The following IQCE variants were observed in gnomAD, a reference collection of about 807,000 sequenced individuals.
The protein encoded by IQCE is IQ motif containing E, also known as IQ domain-containing protein E.
Under a neutral mutation model 96.0 loss-of-function variants are expected in IQCE, and 115 were observed. The observed-to-expected ratio is 1.20, with a 90% CI of 1.03 to 1.40. The LOEUF is 1.40. Ranked by LOEUF, IQCE falls within the 40% of genes most tolerant of loss-of-function variation. IQCE has a pLI of 0.00. For synonymous variants in IQCE, 412 were observed against 371.2 expected, an observed-to-expected ratio of 1.11 and a Z score of -1.26; for missense variants, 1,041 against 909.1, an observed-to-expected ratio of 1.15 and a Z score of -1.87.
chr7:2,571,136 G>A (rs1459659365), intron 3 of IQCE, among the ~76,000 whole-genome samples: 1 of 152,038 alleles, frequency 6.6e-6, no homozygotes, highest in African/African-American at 2.4e-5. Context: ...TCCTGCCTCA[G>A]CCCCCTTGAG....
intron 19 of IQCE, among the ~76,000 whole-genome samples, chr7:2,605,641 T>G (rs1006710188): frequency 7.2e-6 from 1 of 138,366 alleles, no homozygotes; most frequent in Non-Finnish European, 1.5e-5. Flanking sequence ...AATAAGTAAA[T>G]AAATAAATAA....
intron 1 of IQCE, among the ~76,000 whole-genome samples, chr7:2,562,873 A>G (rs1255073535): frequency 6.7e-6 from 1 of 149,126 alleles, no homozygotes; most frequent in East Asian, 1.9e-4. Flanking sequence ...TTTTTAATAT[A>G]GGCATTTACA....
Position 2,589,951 on chromosome 7 carries a change from A to G in IQCE, c.1089A>G (p.Pro363=). 1.2e-6 allele frequency: 2 copies of G among 1,613,980 alleles called. No individual in the cohort carries two copies. The highest frequency in any genetic ancestry group is 2.2e-5 in the East Asian group (1 of 44,890). ...MESSKSHAAE[P]VRSHPPACLA... is the part of the protein sequence containing the mutation. ...GCTCAAAATCACACGCCGCAGAGCCAGTCAGATCACACCCGCCAGCCTGCC... is the reference window on the plus strand; with the variant it reads ...GCTCAAAATCACACGCCGCAGAGCCGGTCAGATCACACCCGCCAGCCTGCC... Residue 363 remains proline (P), a synonymous_variant, in exon 14 of 22, where the codon CCA becomes CCG. Transcript: ENST00000402050.
rs772861335 is a variant in IQCE at position 2,604,965 on chromosome 7, C to T, written c.1717C>T (p.Pro573Ser). The change falls in exon 19 of 22, where the codon CCC (proline) becomes TCC (serine). Residue 573 changes from proline to serine, a missense_variant. Transcript: ENST00000402050. ...LASKAHGSEP[P>S]SVPGLPDQSS... ...AAGCAAAGCACATGGCTCAGAGCCA[C>T]CCAGCGTGCCAGGCCTCCCAGACCA... 1 of 1,613,428 alleles carries T rather than the reference C, an allele frequency of 6.2e-7. No homozygotes were observed.
In IQCE at chr7:2,610,480, C is replaced by T. The variant is rs532397678; in HGVS notation, c.*318C>T. The T allele has an allele frequency of 3.2e-5, 8 of 252,186 alleles. No individual in the cohort carries two copies. The highest frequency in any genetic ancestry group is 6.2e-5 in the Non-Finnish European group (8 of 128,964). 15.6% of individuals were successfully genotyped at this position (252,186 alleles called of 1,614,324 possible). A position where few individuals can be genotyped will look rare whatever the true frequency, so the allele number is the denominator to read the frequency against. On this transcript the variant is annotated 3_prime_UTR_variant, in exon 22 of 22. Coordinates refer to ENST00000402050, the MANE Select transcript of IQCE (RefSeq NM_152558.5). Reference sequence around the variant, plus strand: ...CCTGTAGTGACACGTTCTCTGACAGCACCTTGCCGCCTGCCCACGACCTTG... The same window carrying T: ...CCTGTAGTGACACGTTCTCTGACAGTACCTTGCCGCCTGCCCACGACCTTG...
intron 11 of IQCE, among the ~76,000 whole-genome samples, chr7:2,585,774 C>G (rs2917734): frequency 0.78 from 119,221 of 152,236 alleles, 47,197 homozygotes; most frequent in African/African-American, 0.89. Flanking sequence ...TATTGATTTT[C>G]GGCTGATGGA....
Position 2,610,093 on chromosome 7 carries a change from C to A in IQCE, c.2019C>A (p.Asp673Glu), listed in dbSNP as rs145155468. ...PQALAPLPGD[D>E]VNSDDSDDIV... ...CCTTGGCACCTCTACCTGGGGATGA[C>A]GTCAACTCCGATGATTCCGACGATA... The change falls in exon 22 of 22, where the codon GAC (aspartate) becomes GAA (glutamate). Residue 673 changes from aspartate (D) to glutamate (E), a missense_variant. Coordinates refer to ENST00000402050, the MANE Select transcript of IQCE (RefSeq NM_152558.5). 6.2e-7 allele frequency: 1 copy of A among 1,613,116 alleles called. No individual in the cohort carries two copies. Among genetic ancestry groups the A allele is most frequent in the South Asian group, 1.1e-5 (1 of 91,066 alleles).
Position 2,610,275 on chromosome 7 carries a change from C to T in IQCE, c.*113C>T, listed in dbSNP as rs1785051416. On this transcript the variant is annotated 3_prime_UTR_variant, in exon 22 of 22. Coordinates refer to ENST00000402050, the MANE Select transcript of IQCE (RefSeq NM_152558.5). The stretch of plus-strand genomic sequence containing the variant: ...AAGAACGATGATACCTACTTAACAC[C>T]TCAGCATCTGCGTCGTGTCTCTTTG... 2.8e-6 allele frequency: 2 copies of T among 718,248 alleles called. No individual in the cohort carries two copies. The highest frequency in any genetic ancestry group is 3.2e-5 in the South Asian group (2 of 62,732). 44.5% of individuals were successfully genotyped at this position (718,248 alleles called of 1,614,324 possible).
chr7:2,601,264 C>T (rs965627506), intron 17 of IQCE, among the ~76,000 whole-genome samples, 177 bp from the exon 18 acceptor site: 2 of 152,204 alleles, frequency 1.3e-5, no homozygotes. Flanking sequence ...CTCTCACTTT[C>T]GTCCTCCTTA....
chr7:2,588,016 G>A (rs1783262181), intron 13 of IQCE, 139 bp downstream of exon 13: 2 of 807,132 alleles, frequency 2.5e-6, no homozygotes, highest in South Asian at 2.9e-5. Context: ...ACCGCAAGGA[G>A]ACTTCTTCCA....
At chr7:2,560,375 C>T (rs1780854721) in intron 1 of IQCE, among the ~76,000 whole-genome samples, 1 of 152,342 alleles carries the variant, frequency 6.6e-6, no homozygotes, top group African/African-American at 2.4e-5. Context: ...CAGAGGAAGC[C>T]TTTGGAAGGT....
intron 1 of IQCE, among the ~76,000 whole-genome samples, chr7:2,564,656 CTTG>C (rs1407792966): frequency 6.6e-6 from 1 of 151,422 alleles, no homozygotes; most frequent in Non-Finnish European, 1.5e-5. Context: ...TCTAGTTTTC[CTTG>C]TTGTAGAAGA....
At position 2,584,188 on chromosome 7, in the gene IQCE, C is replaced by T. The variant is rs750903153; in HGVS notation, c.775-48C>T. 14 of 1,540,110 alleles carry T rather than the reference C, an allele frequency of 9.1e-6. No individual in the cohort carries two copies. The South Asian group carries it at 1.6e-4, about 17-fold the overall frequency. On this transcript the variant is annotated intron_variant, in intron 10 of 21. Transcript: ENST00000402050. ...TGTTGGTCTTTTCAGATAAGGTCTT[C>T]TCCATGCTAGCCTTGTGTTTTCATG...
rs1472686309 is a variant in IQCE at position 2,597,629 on chromosome 7, G to A, written c.1441-836G>A. Among the ~76,000 whole-genome samples the A allele has an allele frequency of 2.0e-5, 3 of 151,260 alleles. No individual in the cohort carries two copies. The East Asian group carries it at 5.8e-4, about 29-fold the overall frequency. ...CATTTGTATTGGGTAGTGTCCTATGGATGATACATTTGGAGTCATCAGTGT... is the reference window on the plus strand; with the variant it reads ...CATTTGTATTGGGTAGTGTCCTATGAATGATACATTTGGAGTCATCAGTGT... On this transcript the variant is annotated intron_variant, in intron 16 of 21. Transcript: ENST00000402050.
chr7:2,568,196 C>T (rs1222989732), intron 2 of IQCE, among the ~76,000 whole-genome samples: 2 of 152,198 alleles, frequency 1.3e-5, no homozygotes, highest in African/African-American at 4.8e-5. Flanking sequence ...AAATTCCACC[C>T]TTAAGTACTT....
chr7:2,589,079 G>A (rs12700119), intron 13 of IQCE, among the ~76,000 whole-genome samples: 56,349 of 152,006 alleles, frequency 0.37, 10,900 homozygotes, highest in Non-Finnish European at 0.44. Flanking sequence ...TTACAACATA[G>A]AAAACTAGCC....
chr7:2,569,320 A>G (rs780374138), intron 3 of IQCE, among the ~76,000 whole-genome samples: 5 of 152,050 alleles, frequency 3.3e-5, no homozygotes, highest in Non-Finnish European at 7.4e-5. Context: ...TTGCTTTCTC[A>G]AAGGCTTACC....
chr7:2,587,749 C>T (rs1358627366), intron 12 of IQCE, 73 bp from the exon 13 acceptor site: 2 of 1,415,350 alleles, frequency 1.4e-6, no homozygotes, highest in Non-Finnish European at 2.0e-6. Context: ...AGCCTCAGGC[C>T]ATACCTGAGA....
chr7:2,561,724 CAAT>C (rs1234347216), intron 1 of IQCE, among the ~76,000 whole-genome samples: 29 of 152,262 alleles, frequency 1.9e-4, no homozygotes, highest in African/African-American at 5.8e-4. Context: ...TCCGGCCTTA[CAAT>C]AATATTTTTA....
Sources: allele counts gnomAD v4.1 joint callset (sites outside exome capture counted in the v4.1 genomes callset), GRCh38; gene constraint gnomAD v4.1.1; transcripts MANE v1.5; gene names NCBI Gene and HGNC (gene_info 2026-07-23, HGNC 2026-07-21).